Variants in PITRM1 observed in about 807,000 individuals in gnomAD.
PITRM1 encodes pitrilysin metallopeptidase 1.
PITRM1 carries 100 observed loss-of-function variants against 129.9 expected under a neutral mutation model. The observed-to-expected ratio is 0.77, with a 90% CI of 0.65 to 0.91. The LOEUF is 0.91. Among genes scored for constraint, PITRM1 ranks in the 40% least tolerant of loss-of-function variants. PITRM1 has a pLI of 0.00. For missense variants in PITRM1, 1,471 were observed against 1,318.3 expected, an observed-to-expected ratio of 1.12 and a Z score of -1.79; for synonymous variants, 591 against 508.8, an observed-to-expected ratio of 1.16 and a Z score of -2.17.
Position 3,172,559 on chromosome 10 carries a change from G to A in PITRM1, c.56+158C>T, listed in dbSNP as rs547306747. ...GTCCTCCGGCCTCGGAGCCTCGGATGCGGGAGCTCCAGGAAGGGCTCGGGG... is the reference window on the plus strand; with the variant it reads ...GTCCTCCGGCCTCGGAGCCTCGGATACGGGAGCTCCAGGAAGGGCTCGGGG... On this transcript the variant is annotated intron_variant, in intron 1 of 26. Transcript: ENST00000224949. 8.5e-5 allele frequency among the ~76,000 whole-genome samples: 13 copies of A among 152,280 alleles called. 1 individual carries two copies. In the East Asian group the frequency reaches 2.5e-3, roughly 30 times the overall value.
At chr10:3,151,065 A>G (rs1297812076) in intron 15 of PITRM1, 182 bp downstream of exon 15, 1 of 572,008 alleles carries the variant, frequency 1.7e-6, no homozygotes. Context: ...GAAGGAGTCT[A>G]TCACCACCGA....
chr10:3,165,960 T>C (rs1027677918), intron 4 of PITRM1, among the ~76,000 whole-genome samples: 2 of 152,250 alleles, frequency 1.3e-5, no homozygotes, highest in African/African-American at 2.4e-5. Context: ...AACTCTGGCA[T>C]TGTAGCGATA....
intron 3 of PITRM1, among the ~76,000 whole-genome samples, 162 bp from the exon 4 acceptor site, chr10:3,166,542 G>A (rs986159277): frequency 6.6e-6 from 1 of 152,152 alleles, no homozygotes; most frequent in Non-Finnish European, 1.5e-5. Context: ...GACTCAGACT[G>A]TAAAATTGTA....
Position 3,156,938 on chromosome 10 carries a change from ACT to A in PITRM1, c.1472_1473del (p.Gln491LeufsTer3). On this transcript the variant is annotated frameshift_variant, in exon 13 of 27. Coordinates refer to ENST00000224949, the MANE Select transcript of PITRM1 (RefSeq NM_014889.4). LOFTEE classifies it high-confidence loss of function. ...TTATCCAACTTTCTTACCTTAAAATACTGTTTTACTTTTTCTTGCAAAAATTT... is the reference window on the plus strand; with the variant it reads ...TTATCCAACTTTCTTACCTTAAAATAGTTTTACTTTTTCTTGCAAAAATTT... ...NPKFLQEKVK[Q>X]YFKNNQHKLT... The A allele has an allele frequency of 6.4e-7, 1 of 1,560,904 alleles. No homozygotes were observed. The highest frequency in any genetic ancestry group is 8.7e-7 in the Non-Finnish European group (1 of 1,155,598).
intron 7 of PITRM1, among the ~76,000 whole-genome samples, chr10:3,160,656 T>C (rs578175860): frequency 7.2e-5 from 11 of 152,302 alleles, no homozygotes; most frequent in African/African-American, 2.4e-4. Flanking sequence ...TCTGCTGGAG[T>C]GCAGTGGCAC....
chr10:3,170,020 G>T, intron 2 of PITRM1, 84 bp downstream of exon 2: 2 of 996,618 alleles, frequency 2.0e-6, no homozygotes, highest in Non-Finnish European at 3.1e-6. Context: ...GCTAGTCTCC[G>T]CCCTGAAGGG....
intron 6 of PITRM1, chr10:3,164,115 C>A: frequency 3.8e-6 from 1 of 260,062 alleles, no homozygotes; most frequent in Non-Finnish European, 7.2e-6. Flanking sequence ...TTGAGAAGAA[C>A]AATGGATTTT....
intron 20 of PITRM1, chr10:3,146,732 T>C (rs1158823699): frequency 1.3e-5 from 2 of 154,798 alleles, no homozygotes; most frequent in Non-Finnish European, 2.9e-5. Flanking sequence ...TTAAACTTTA[T>C]TCATGCTCAC....
Position 3,166,391 on chromosome 10 carries a change from A to AGAGCAATGGCACGCTAGGGAAGGT in PITRM1, c.267-12_267-11insACCTTCCCTAGCGTGCCATTGCTC, listed in dbSNP as rs572476455. 9.3e-4 allele frequency: 1,293 copies of AGAGCAATGGCACGCTAGGGAAGGT among 1,395,440 alleles called. 14 individuals carry two copies. In the African/African-American group the frequency reaches 0.017, roughly 18 times the overall value. 86.4% of individuals were successfully genotyped at this position (1,395,440 alleles called of 1,614,324 possible). A position where few individuals can be genotyped will look rare whatever the true frequency, so the allele number is the denominator to read the frequency against. The stretch of plus-strand genomic sequence containing the variant: ...GTACGGAACTGCACGCTAGGGAAGG[A>AGAGCAATGGCACGCTAGGGAAGGT]GAATGACCAGAACGCAAAAGGTTCA... On this transcript the variant is annotated splice_polypyrimidine_tract_variant and intron_variant, in intron 3 of 26. Coordinates refer to ENST00000224949, the MANE Select transcript of PITRM1 (RefSeq NM_014889.4).
chr10:3,145,736 T>C lies in PITRM1; in HGVS notation c.2337-20A>G, dbSNP rs1250715057. On this transcript the variant is annotated intron_variant, in intron 20 of 26. Coordinates refer to ENST00000224949, the MANE Select transcript of PITRM1 (RefSeq NM_014889.4). Reference sequence around the variant, plus strand: ...GAACACCTGTTTGAAAAATTATGTATACATAAAACCACTGTTAGAAAAAAC... The same window carrying C: ...GAACACCTGTTTGAAAAATTATGTACACATAAAACCACTGTTAGAAAAAAC... 3.3e-6 allele frequency: 5 copies of C among 1,504,850 alleles called. No individual in the cohort carries two copies. In the South Asian group the frequency reaches 6.0e-5, roughly 18 times the overall value. The allele number at this position is 1,504,850 out of a possible 1,614,324, so 93.2% of individuals were successfully genotyped here.
At chr10:3,167,170 C>T (rs1842931244) in intron 2 of PITRM1, 128 bp from the exon 3 acceptor site, 1 of 614,570 alleles carries the variant, frequency 1.6e-6, no homozygotes, top group Non-Finnish European at 2.9e-6. Context: ...GGCAGTATTT[C>T]AGAGCTGGAG....
Position 3,151,379 on chromosome 10 carries a change from G to A in PITRM1, c.1622-16C>T. On this transcript the variant is annotated splice_polypyrimidine_tract_variant and intron_variant, in intron 14 of 26. Coordinates refer to ENST00000224949, the MANE Select transcript of PITRM1 (RefSeq NM_014889.4). ...AATTCTAGACCTAAAAAAGAAACAA[G>A]AAAAAGGAATATTCAGGGCCATAAT... The A allele has an allele frequency of 1.6e-6, 2 of 1,271,212 alleles. No individual in the cohort carries two copies. Among genetic ancestry groups the A allele is most frequent in the Admixed American group, 2.1e-5 (1 of 47,470 alleles). 78.7% of individuals were successfully genotyped at this position (1,271,212 alleles called of 1,614,324 possible). A position where few individuals can be genotyped will look rare whatever the true frequency, so the allele number is the denominator to read the frequency against.
rs746259120 is a variant in PITRM1, at chr10:3,165,221, AAAGG to A, written c.630+13_630+16del. The A allele has an allele frequency of 1.2e-3, 1,800 of 1,521,324 alleles. 3 individuals are homozygous for A. The highest frequency in any genetic ancestry group is 1.5e-3 in the Non-Finnish European group (1,712 of 1,130,182). 94.2% of individuals were successfully genotyped at this position (1,521,324 alleles called of 1,614,324 possible). A position where few individuals can be genotyped will look rare whatever the true frequency, so the allele number is the denominator to read the frequency against. ...AAAGGTAAGCTGAACACAACATAAA[AAAGG>A]AAGAAAACTTACAAACGCTCCCTTC... On this transcript the variant is annotated intron_variant, in intron 6 of 26. Transcript: ENST00000224949.
At chr10:3,152,803 C>T (rs909617785) in intron 14 of PITRM1, among the ~76,000 whole-genome samples, 2 of 152,224 alleles carry the variant, frequency 1.3e-5, no homozygotes, top group Admixed American at 6.5e-5. Context: ...GGCCCACCTG[C>T]GCTAGAGCAC....
At position 3,147,602 on chromosome 10, in the gene PITRM1, G is replaced by T; in HGVS notation, c.2205C>A (p.Asp735Glu). The T allele has an allele frequency of 6.2e-7, 1 of 1,614,000 alleles. No individual in the cohort carries two copies. The highest frequency in any genetic ancestry group is 8.5e-7 in the Non-Finnish European group (1 of 1,179,898). Reference sequence around the variant, plus strand: ...CCATCCCGCTGAAGGTCTCCTGCAGGTCCCCTGCGGGCGTGAGGGTCCGGC... The same window carrying T: ...CCATCCCGCTGAAGGTCTCCTGCAGTTCCCCTGCGGGCGTGAGGGTCCGGC... The part of the protein sequence containing the change: ...RAGRTLTPAG[D>E]LQETFSGMDQ... The change falls in exon 19 of 27, where the codon GAC (aspartate) becomes GAA (glutamate). Residue 735 changes from aspartate to glutamate, a missense_variant. By Grantham distance (45) the Asp-to-Glu change is conservative. Transcript: ENST00000224949.
chr10:3,164,014 C>T, intron 6 of PITRM1, 129 bp from the exon 7 acceptor site: 4 of 433,250 alleles, frequency 9.2e-6, no homozygotes, highest in Non-Finnish European at 1.2e-5. Flanking sequence ...TAAAGCTGTT[C>T]TAATGGTTTA....
chr10:3,152,625 T>C (rs1053621633), intron 14 of PITRM1, among the ~76,000 whole-genome samples: 4 of 152,248 alleles, frequency 2.6e-5, no homozygotes, highest in African/African-American at 9.6e-5. Flanking sequence ...AGGCTCCCAA[T>C]GGCACGGAGC....
intron 23 of PITRM1, among the ~76,000 whole-genome samples, chr10:3,142,497 C>T (rs1327791619): frequency 6.6e-6 from 1 of 152,256 alleles, no homozygotes; most frequent in African/African-American, 2.4e-5. Flanking sequence ...CATGTTTGCA[C>T]ATATCTGTGT....
At chr10:3,167,302 A>G (rs576586031) in intron 2 of PITRM1, among the ~76,000 whole-genome samples, 1 of 149,688 alleles carries the variant, frequency 6.7e-6, no homozygotes. Flanking sequence ...CGAGCGAGCG[A>G]GCGCGAGAGC....
Sources: gnomAD v4.1 joint callset for allele counts (sites outside exome capture counted in the v4.1 genomes callset) on GRCh38, gnomAD v4.1.1 for gene constraint, MANE v1.5 for transcripts, NCBI Gene and HGNC (gene_info 2026-07-23, HGNC 2026-07-21) for gene names.